Variants in DMD observed in about 807,000 individuals in gnomAD.
DMD encodes the protein dystrophin, also known as mutant dystrophin.
A neutral mutation model predicts 330.1 loss-of-function variants in DMD; 63 were observed. The observed-to-expected ratio is 0.19, with a 90% CI of 0.16 to 0.24. The LOEUF is 0.24. DMD is among the 10% of genes least tolerant of loss of function. The probability of loss-of-function intolerance (pLI) is 1.00; values close to 1 mark genes in which losing one functional copy is unlikely to be tolerated. For missense variants in DMD, 3,344 were observed against 2,684.1 expected (o/e 1.25, Z -5.43); for synonymous variants, 1,223 against 959.8 (o/e 1.27, Z -5.07).
At chrX:32,829,908 G>A (rs1403477133) in intron 4 of DMD, among the ~76,000 whole-genome samples, 3 of 111,831 alleles carry the variant, frequency 2.7e-5, no homozygotes, top group Non-Finnish European at 5.7e-5. Flanking sequence ...TCCACAAAAA[G>A]CTTTAAGAGG....
rs141401823 is a variant in DMD at position 31,377,481 on chromosome X, C to T, written c.9085-28847G>A. Among the ~76,000 whole-genome samples the T allele has an allele frequency of 2.7e-3, 306 of 111,986 alleles. 16 individuals are homozygous for T. The East Asian group carries it at 0.058, about 21-fold the overall frequency. On this transcript the variant is annotated intron_variant, in intron 60 of 78. Transcript: ENST00000357033. ...ACTAGATCTTGAAGGCCCCTTTCAA[C>T]CTAAGATTTTATTACTCAAACTTGT... is the stretch of plus-strand genomic sequence containing the variant.
At chrX:32,961,578 G>A (rs1327926436) in intron 2 of DMD, among the ~76,000 whole-genome samples, 1 of 111,261 alleles carries the variant, frequency 9.0e-6, no homozygotes, top group Non-Finnish European at 1.9e-5. Flanking sequence ...TTTATTAATA[G>A]TTTTTTCAAT....
intron 19 of DMD, among the ~76,000 whole-genome samples, chrX:32,494,709 C>A (rs149168525): frequency 0.019 from 2,151 of 111,431 alleles, 68 homozygotes; most frequent in African/African-American, 0.066. Context: ...AAGGGACCAG[C>A]TCTCTTGTGT....
intron 1 of DMD, among the ~76,000 whole-genome samples, chrX:33,054,743 T>C (rs1202884744): frequency 8.9e-6 from 1 of 111,963 alleles, no homozygotes; most frequent in African/African-American, 3.3e-5. Flanking sequence ...ACTGCAACAA[T>C]CCTGGCAAAA....
At chrX:33,213,373 C>T (rs772844942), upstream of DMD, among the ~76,000 whole-genome samples, 1 of 111,774 alleles carries the variant, frequency 8.9e-6, no homozygotes, top group African/African-American at 3.3e-5. Context: ...AATGCATATA[C>T]TTCCCTTAAG....
chrX:31,675,584 A>G (rs1444465848), intron 53 of DMD, among the ~76,000 whole-genome samples: 2 of 110,886 alleles, frequency 1.8e-5, no homozygotes, highest in Non-Finnish European at 3.8e-5. Context: ...GCCGGTCTCA[A>G]ACTCCTGATC....
intron 7 of DMD, among the ~76,000 whole-genome samples, chrX:32,783,314 GGTAT>G (rs1205625108): frequency 7.0e-5 from 6 of 86,115 alleles, no homozygotes; most frequent in African/African-American, 2.8e-4. Flanking sequence ...ACACATATAT[GGTAT>G]ATATATACAC....
At chrX:32,310,744 C>T (rs190854515) in intron 41 of DMD, among the ~76,000 whole-genome samples, 127 of 110,494 alleles carry the variant, frequency 1.1e-3, no homozygotes, top group African/African-American at 4.0e-3. Context: ...CACTGAGATA[C>T]AACAGATACG....
chrX:32,925,531 T>G (rs1467483601), intron 2 of DMD, among the ~76,000 whole-genome samples: 1 of 110,719 alleles, frequency 9.0e-6, no homozygotes, highest in Non-Finnish European at 1.9e-5. Context: ...ATCCAGTAAA[T>G]GAACTACATG....
intron 43 of DMD, among the ~76,000 whole-genome samples, chrX:32,263,891 C>T (rs2097333578): frequency 9.0e-6 from 1 of 111,682 alleles, no homozygotes; most frequent in Admixed American, 9.5e-5. Flanking sequence ...ATATTTGACA[C>T]CCAAAGGAAA....
chrX:31,498,828 G>A (rs1040663309), intron 56 of DMD, among the ~76,000 whole-genome samples: 1 of 112,080 alleles, frequency 8.9e-6, no homozygotes, highest in Non-Finnish European at 1.9e-5. Flanking sequence ...GAACTGAATC[G>A]TGAAATACCA....
intron 1 of DMD, among the ~76,000 whole-genome samples, chrX:33,184,547 A>G (rs2148757103): frequency 9.0e-6 from 1 of 110,930 alleles, no homozygotes; most frequent in South Asian, 3.8e-4. Flanking sequence ...ATTATCTTGA[A>G]AATGCATTTT....
At chrX:32,455,703 T>A (rs899821851) in intron 25 of DMD, among the ~76,000 whole-genome samples, 2 of 111,212 alleles carry the variant, frequency 1.8e-5, no homozygotes, top group Non-Finnish European at 3.8e-5. Flanking sequence ...GGTGCTTTCA[T>A]GAGAGATTAA....
At chrX:32,621,191 A>T (rs186199700) in intron 11 of DMD, among the ~76,000 whole-genome samples, 3 of 111,767 alleles carry the variant, frequency 2.7e-5, no homozygotes, top group Non-Finnish European at 5.6e-5. Context: ...AGTCAGAAGT[A>T]GTGAAAAAGA....
chrX:33,266,270 TAA>T (rs2053039338), intron 1 of DMD, among the ~76,000 whole-genome samples: 1 of 111,752 alleles, frequency 8.9e-6, no homozygotes, highest in South Asian at 3.7e-4. Flanking sequence ...GTAGAAAAAG[TAA>T]AGAGTCTTAC....
intron 51 of DMD, among the ~76,000 whole-genome samples, chrX:31,737,451 G>T (rs773418765): frequency 1.9e-4 from 21 of 112,747 alleles, no homozygotes; most frequent in Non-Finnish European, 3.0e-4. Context: ...GGCCTGAAAG[G>T]CTAAGGGGAG....
chrX:32,519,162 C>T (rs765347745), intron 17 of DMD, among the ~76,000 whole-genome samples: 1 of 103,941 alleles, frequency 9.6e-6, no homozygotes, highest in East Asian at 3.0e-4. Flanking sequence ...AATAGCCTTT[C>T]ATTTGCAACA....
At chrX:32,630,318 A>T (rs1234136147) in intron 11 of DMD, among the ~76,000 whole-genome samples, 1 of 110,247 alleles carries the variant, frequency 9.1e-6, no homozygotes, top group Admixed American at 9.6e-5. Context: ...AGCTATTTCT[A>T]TGTGATTTTT....
At chrX:31,598,000 G>A (rs749269485) in intron 55 of DMD, among the ~76,000 whole-genome samples, 1 of 111,714 alleles carries the variant, frequency 9.0e-6, no homozygotes, top group South Asian at 3.8e-4. Flanking sequence ...AAGAAGATGA[G>A]TCAGTATTTA....
Sources: gnomAD v4.1 joint callset for allele counts (sites outside exome capture counted in the v4.1 genomes callset) on GRCh38, gnomAD v4.1.1 for gene constraint, MANE v1.5 for transcripts, NCBI Gene and HGNC (gene_info 2026-07-23, HGNC 2026-07-21) for gene names.